SHOC2: variants seen among roughly 807,000 people sequenced by gnomAD.
SHOC2 encodes the protein leucine-rich repeat protein SHOC-2.
In SHOC2, 4 loss-of-function variants were observed where a neutral mutation model predicts 50.2. The ratio of observed to expected loss-of-function variants is 0.08; its 90% confidence interval spans 0.04 to 0.18. The LOEUF (loss-of-function observed/expected upper bound fraction) is 0.18, where lower values mean the gene tolerates loss of function less well. Ranked by LOEUF, SHOC2 falls within the 10% of genes least tolerant of loss-of-function variation. SHOC2 has a pLI of 1.00. For missense variants in SHOC2, 388 were observed against 669.6 expected, an observed-to-expected ratio of 0.58 and a Z score of 4.64; for synonymous variants, 218 against 244.5, an observed-to-expected ratio of 0.89 and a Z score of 1.01.
At chr10:111,004,036 C>T (rs1848426557) in intron 4 of SHOC2, among the ~76,000 whole-genome samples, 1 of 152,046 alleles carries the variant, frequency 6.6e-6, no homozygotes, top group African/African-American at 2.4e-5. Flanking sequence ...TACATATATG[C>T]CCTCAGAAAT....
At chr10:110,968,352 A>G (rs148593021) in intron 2 of SHOC2, among the ~76,000 whole-genome samples, 224 of 152,266 alleles carry the variant, frequency 1.5e-3, no homozygotes, top group African/African-American at 5.1e-3. Context: ...GAATGTTTAT[A>G]AAATAAGACC....
intron 1 of SHOC2, among the ~76,000 whole-genome samples, chr10:110,942,101 G>C (rs968712005): frequency 2.0e-5 from 3 of 147,912 alleles, no homozygotes; most frequent in African/African-American, 7.5e-5. Context: ...CTTTACCCAC[G>C]TGTGATTTTG....
chr10:110,984,339 CTTCT>C, intron 2 of SHOC2, among the ~76,000 whole-genome samples: 1 of 152,140 alleles, frequency 6.6e-6, no homozygotes, highest in South Asian at 2.1e-4. Flanking sequence ...TTAAAATTGG[CTTCT>C]TTGAGGTTTT....
chr10:110,934,588 A>G (rs1846966522), intron 1 of SHOC2, among the ~76,000 whole-genome samples: 2 of 152,170 alleles, frequency 1.3e-5, no homozygotes, highest in Non-Finnish European at 2.9e-5. Flanking sequence ...ATTTATGTGC[A>G]CATTGCAGTG....
intron 1 of SHOC2, among the ~76,000 whole-genome samples, chr10:110,956,162 T>G (rs1847457417): frequency 6.6e-6 from 1 of 152,016 alleles, no homozygotes; most frequent in Non-Finnish European, 1.5e-5. Context: ...ATGACTCCTG[T>G]GGATCCAACA....
intron 2 of SHOC2, among the ~76,000 whole-genome samples, chr10:110,978,870 C>T (rs559340515): frequency 6.6e-6 from 1 of 152,148 alleles, no homozygotes; most frequent in Non-Finnish European, 1.5e-5. Flanking sequence ...TTACTTTTCA[C>T]CTGCAGATTT....
At chr10:110,932,259 C>T (rs1031596593) in intron 1 of SHOC2, among the ~76,000 whole-genome samples, 1 of 152,134 alleles carries the variant, frequency 6.6e-6, no homozygotes, top group Non-Finnish European at 1.5e-5. Flanking sequence ...GCTAGATCTT[C>T]AAGACATGTG....
chr10:110,998,319 T>C (rs1848306392), intron 3 of SHOC2, among the ~76,000 whole-genome samples: 2 of 152,010 alleles, frequency 1.3e-5, no homozygotes, highest in African/African-American at 4.8e-5. Flanking sequence ...ATAGCAATAG[T>C]GAATATTCTC....
Position 111,000,402 on chromosome 10 carries a change from T to C in SHOC2, c.842-13T>C, listed in dbSNP as rs765123816. On this transcript the variant is annotated splice_polypyrimidine_tract_variant and intron_variant, in intron 3 of 8. Coordinates refer to ENST00000369452, the MANE Select transcript of SHOC2 (RefSeq NM_007373.4). ...TGTAAAAAATAAATTTCTTTTTTTG[T>C]GTGTGTTTACAGGAAACCTGTCCAG... 1.2e-6 allele frequency: 2 copies of C among 1,613,424 alleles called. No individual in the cohort carries two copies. Among genetic ancestry groups the C allele is most frequent in the South Asian group, 2.2e-5 (2 of 91,058 alleles).
intron 1 of SHOC2, among the ~76,000 whole-genome samples, chr10:110,931,170 A>G (rs1250022681): frequency 6.6e-6 from 1 of 152,146 alleles, no homozygotes; most frequent in African/African-American, 2.4e-5. Flanking sequence ...TTCCTTACCA[A>G]GGAGGGAAAA....
At chr10:110,969,004 A>G (rs1221255549) in intron 2 of SHOC2, among the ~76,000 whole-genome samples, 3 of 152,184 alleles carry the variant, frequency 2.0e-5, no homozygotes, top group Admixed American at 6.5e-5. Flanking sequence ...CCAGTGATAC[A>G]TATTCACATG....
chr10:110,945,354 G>C (rs1489272908), intron 1 of SHOC2, among the ~76,000 whole-genome samples: 1 of 152,150 alleles, frequency 6.6e-6, no homozygotes, highest in Non-Finnish European at 1.5e-5. Context: ...GTAGCTTCTA[G>C]AGTGCACTGG....
At chr10:110,933,020 A>G (rs984572776) in intron 1 of SHOC2, among the ~76,000 whole-genome samples, 1 of 152,216 alleles carries the variant, frequency 6.6e-6, no homozygotes, top group Non-Finnish European at 1.5e-5. Context: ...AAAACAGTTT[A>G]TATTGTAATT....
intron 1 of SHOC2, among the ~76,000 whole-genome samples, chr10:110,932,679 C>G (rs1022326172): frequency 2.0e-5 from 3 of 152,156 alleles, no homozygotes. Flanking sequence ...TCCTGATTCC[C>G]CTAACCTCCA....
chr10:110,924,585 T>G (rs539915466), intron 1 of SHOC2, among the ~76,000 whole-genome samples: 133 of 152,334 alleles, frequency 8.7e-4, no homozygotes, highest in African/African-American at 3.1e-3. Flanking sequence ...GTTCCTAATT[T>G]TATTTGGGCT....
At position 111,013,175 on chromosome 10, in the gene SHOC2, AG is replaced by A. The variant is rs1848598816; in HGVS notation, c.*1358del. On this transcript the variant is annotated 3_prime_UTR_variant, in exon 9 of 9. Coordinates refer to ENST00000369452, the MANE Select transcript of SHOC2 (RefSeq NM_007373.4). ...TGCTTCACTGCTTTTAATACTTAGCAGTATTGTTGGTCTAAGTCAATTTGAT... is the reference window on the plus strand; with the variant it reads ...TGCTTCACTGCTTTTAATACTTAGCATATTGTTGGTCTAAGTCAATTTGAT... 1.3e-5 allele frequency: 2 copies of A among 152,184 alleles called. No individual in the cohort carries two copies. The allele number at this position is 152,184 out of a possible 1,614,324, so 9.4% of individuals were successfully genotyped here.
At chr10:110,982,778 C>T (rs1475915420) in intron 2 of SHOC2, among the ~76,000 whole-genome samples, 1 of 152,082 alleles carries the variant, frequency 6.6e-6, no homozygotes, top group African/African-American at 2.4e-5. Flanking sequence ...ATAGAAATCT[C>T]ATGAGAGACA....
intron 1 of SHOC2, among the ~76,000 whole-genome samples, chr10:110,941,178 G>A (rs1298955275): frequency 6.6e-5 from 10 of 151,738 alleles, no homozygotes; most frequent in Non-Finnish European, 1.2e-4. Context: ...TAGGTGTGTA[G>A]TGATCTGTCA....
chr10:110,995,513 G>A (rs1848253888), intron 3 of SHOC2, among the ~76,000 whole-genome samples: 1 of 152,186 alleles, frequency 6.6e-6, no homozygotes, highest in Non-Finnish European at 1.5e-5. Context: ...AAGGAAACAA[G>A]CTAAGTGGAG....
Sources: allele counts gnomAD v4.1 joint callset (sites outside exome capture counted in the v4.1 genomes callset), GRCh38; gene constraint gnomAD v4.1.1; transcripts MANE v1.5; gene names NCBI Gene and HGNC (gene_info 2026-07-23, HGNC 2026-07-21).